Variants in PRKAR1A observed in about 807,000 individuals in gnomAD.
PRKAR1A encodes the protein cAMP-dependent protein kinase type I-alpha regulatory subunit.
PRKAR1A carries 3 observed loss-of-function variants against 52.0 expected under a neutral mutation model. The ratio of observed to expected loss-of-function variants is 0.06; its 90% CI spans 0.03 to 0.15. PRKAR1A has a LOEUF of 0.15. Ranked by LOEUF, PRKAR1A falls within the 10% of genes least tolerant of loss-of-function variation. The probability of loss-of-function intolerance (pLI) is 1.00; values close to 1 mark genes in which losing one functional copy is unlikely to be tolerated. For synonymous variants in PRKAR1A, 188 were observed against 168.4 expected, an observed-to-expected ratio of 1.12 and a Z score of -0.90; for missense variants, 240 against 477.4, an observed-to-expected ratio of 0.50 and a Z score of 4.63.
the PRKAR1A span, among the ~76,000 whole-genome samples, chr17:68,500,942 C>A: frequency 2.0e-5 from 3 of 152,190 alleles, no homozygotes; most frequent in Non-Finnish European, 4.4e-5. Flanking sequence ...ATGGAAACAA[C>A]GCAGTTTTCA....
the PRKAR1A span, among the ~76,000 whole-genome samples, chr17:68,496,818 CTTTTTTTTTT>C: frequency 3.8e-4 from 35 of 91,210 alleles, no homozygotes; most frequent in East Asian, 1.4e-3. Context: ...TTAGTTTTTA[CTTTTTTTTTT>C]TTTTTTTTTT....
intron 11 of PRKAR1A, among the ~76,000 whole-genome samples, chr17:68,546,356 C>G (rs912440302): frequency 1.3e-5 from 2 of 151,954 alleles, no homozygotes; most frequent in Admixed American, 1.3e-4. Context: ...GGATTGAGAT[C>G]AATCTTCTTT....
At chr17:68,540,936 A>T in intron 11 of PRKAR1A, 1 of 1,596,110 alleles carries the variant, frequency 6.3e-7, no homozygotes, top group Middle Eastern at 2.1e-4. Context: ...ACTGTGTCAC[A>T]GTAAAGGGGA....
rs1292133703 is a variant in PRKAR1A at position 68,515,434 on chromosome 17, C to G, written c.35C>G (p.Ala12Gly). The change falls in exon 2 of 11, where the codon GCA becomes GGA. Residue 12 changes from alanine to glycine, a missense_variant. Physicochemically the swap from Ala to Gly is moderately conservative, Grantham distance 60. Coordinates refer to ENST00000589228, the MANE Select transcript of PRKAR1A (RefSeq NM_002734.5). The part of the protein sequence containing the change: ...ESGSTAASEE[A>G]RSLRECELYV... Reference sequence around the variant, plus strand: ...GGCAGTACCGCCGCCAGTGAGGAGGCACGCAGCCTTCGAGAATGTGAGCTC... The same window carrying G: ...GGCAGTACCGCCGCCAGTGAGGAGGGACGCAGCCTTCGAGAATGTGAGCTC... 2 of 1,613,522 alleles carry G rather than the reference C, an allele frequency of 1.2e-6. No individual in the cohort carries two copies. Among genetic ancestry groups the G allele is most frequent in the Non-Finnish European group, 1.7e-6 (2 of 1,180,040 alleles).
intron 11 of PRKAR1A, among the ~76,000 whole-genome samples, chr17:68,540,283 C>T (rs2086228273): frequency 1.3e-5 from 2 of 152,350 alleles, no homozygotes; most frequent in South Asian, 2.1e-4. Flanking sequence ...TATGTATTGA[C>T]ATTGGCTTTC....
the PRKAR1A span, chr17:68,421,682 C>A: frequency 1.3e-6 from 2 of 1,578,092 alleles, no homozygotes; most frequent in South Asian, 1.1e-5. Context: ...CCTTTCTGCT[C>A]ACACAATTGC....
At chr17:68,463,409 T>C in the PRKAR1A span, among the ~76,000 whole-genome samples, 1 of 152,196 alleles carries the variant, frequency 6.6e-6, no homozygotes, top group Non-Finnish European at 1.5e-5. Context: ...ATTCATCCAT[T>C]CATTCATTTG....
At chr17:68,462,021 A>G in the PRKAR1A span, among the ~76,000 whole-genome samples, 3 of 152,154 alleles carry the variant, frequency 2.0e-5, no homozygotes, top group South Asian at 6.2e-4. Flanking sequence ...TTGTCCCCCA[A>G]ATGGAACCAT....
At chr17:68,419,481 CAGG>C in the PRKAR1A span, among the ~76,000 whole-genome samples, 2 of 152,268 alleles carry the variant, frequency 1.3e-5, no homozygotes, top group South Asian at 4.1e-4. Flanking sequence ...GAGGCTGAGG[CAGG>C]AGAATTGCTT....
chr17:68,481,437 G>A, the PRKAR1A span, among the ~76,000 whole-genome samples: 1 of 152,214 alleles, frequency 6.6e-6, no homozygotes, highest in Non-Finnish European at 1.5e-5. Flanking sequence ...ATCTGGGGAT[G>A]ATGGGAGATA....
the PRKAR1A span, among the ~76,000 whole-genome samples, chr17:68,434,130 G>A: frequency 6.6e-6 from 1 of 152,156 alleles, no homozygotes; most frequent in Non-Finnish European, 1.5e-5. Flanking sequence ...GCAGAAGGGA[G>A]GAACTGTGCC....
the PRKAR1A span, among the ~76,000 whole-genome samples, chr17:68,481,021 C>T: frequency 3.3e-5 from 5 of 152,250 alleles, no homozygotes; most frequent in Admixed American, 6.5e-5. Flanking sequence ...TGTAGCTTAT[C>T]GGTCTAACAG....
At chr17:68,544,062 A>AG (rs2086436178) in intron 11 of PRKAR1A, among the ~76,000 whole-genome samples, 1 of 152,190 alleles carries the variant, frequency 6.6e-6, no homozygotes, top group Admixed American at 6.5e-5. Flanking sequence ...TAAACAGAAG[A>AG]GAGGGGAATG....
intron 11 of PRKAR1A, among the ~76,000 whole-genome samples, chr17:68,545,556 T>G (rs542888997): frequency 1.3e-5 from 2 of 152,348 alleles, no homozygotes; most frequent in South Asian, 4.1e-4. Context: ...GTCATAATCT[T>G]TTTGCTGACT....
At chr17:68,423,325 G>A in the PRKAR1A span, among the ~76,000 whole-genome samples, 1 of 152,222 alleles carries the variant, frequency 6.6e-6, no homozygotes, top group Non-Finnish European at 1.5e-5. This position sits in a 1 kb window ranked among gnomAD's most constrained non-coding sequence, Gnocchi z 4.4. Context: ...GAGCATCCCA[G>A]GAGCATGCAT....
the PRKAR1A span, among the ~76,000 whole-genome samples, chr17:68,499,950 C>G: frequency 4.5e-4 from 68 of 152,330 alleles, no homozygotes; most frequent in Non-Finnish European, 8.7e-4. Flanking sequence ...CATACATTAA[C>G]TAACAGGTCA....
At chr17:68,433,466 G>A in the PRKAR1A span, 4 of 1,613,650 alleles carry the variant, frequency 2.5e-6, no homozygotes, top group African/African-American at 2.7e-5. Flanking sequence ...CGGAGTACTT[G>A]CCTGTTGGTG....
the PRKAR1A span, among the ~76,000 whole-genome samples, chr17:68,481,365 A>T: frequency 6.6e-6 from 1 of 152,206 alleles, no homozygotes; most frequent in Non-Finnish European, 1.5e-5. Flanking sequence ...TAATTATACA[A>T]CTTACCATAA....
chr17:68,414,013 C>G, the PRKAR1A span: 1 of 155,130 alleles, frequency 6.4e-6, no homozygotes, highest in East Asian at 1.9e-4. Context: ...CGCCCACTGT[C>G]TGGCACTCCC....
Sources: gnomAD v4.1 joint callset for allele counts (sites outside exome capture counted in the v4.1 genomes callset) on GRCh38, gnomAD v4.1.1 for gene constraint, Gnocchi (gnomAD v3.1) non-coding constraint, MANE v1.5 for transcripts, NCBI Gene and HGNC (gene_info 2026-07-23, HGNC 2026-07-21) for gene names.